The following SQOR variants were observed in gnomAD, a reference collection of about 807,000 sequenced individuals.
SQOR encodes sulfide:quinone oxidoreductase, mitochondrial.
In SQOR, 39 loss-of-function variants were observed where a neutral mutation model predicts 48.6. That is an observed-to-expected ratio of 0.80 (90% CI 0.62 to 1.05). The LOEUF (loss-of-function observed/expected upper bound fraction) is 1.05, where lower values mean the gene tolerates loss of function less well. SQOR is among the 50% of genes least tolerant of loss of function. The pLI is 0.00. For synonymous variants in SQOR, 220 were observed against 206.2 expected, an observed-to-expected ratio of 1.07 and a Z score of -0.57; for missense variants, 561 against 559.9, an observed-to-expected ratio of 1.00 and a Z score of -0.02.
At chr15:45,659,186 G>A (rs1595576355) in intron 2 of SQOR, 29 bp downstream of exon 2, 4 of 1,457,624 alleles carry the variant, frequency 2.7e-6, no homozygotes, top group Non-Finnish European at 3.7e-6. Context: ...GGGCCTGGGT[G>A]TGTGTGTACG....
intron 1 of SQOR, among the ~76,000 whole-genome samples, chr15:45,643,816 A>G (rs1895147530): frequency 6.6e-6 from 1 of 151,942 alleles, no homozygotes; most frequent in Non-Finnish European, 1.5e-5. Context: ...CTCCTTTATC[A>G]AGGTTAAATG....
chr15:45,631,352 G>C (rs1483118457), upstream of SQOR: 1 of 152,396 alleles, frequency 6.6e-6, no homozygotes, highest in African/African-American at 2.4e-5. Context: ...CTGTGGCTTG[G>C]CAGGATGAAA....
chr15:45,651,234 C>T (rs990571452), intron 1 of SQOR, among the ~76,000 whole-genome samples: 11 of 152,324 alleles, frequency 7.2e-5, no homozygotes, highest in Admixed American at 3.3e-4. Flanking sequence ...GTGCACCCTC[C>T]GCAGCTGCTG....
intron 2 of SQOR, 146 bp downstream of exon 2, chr15:45,659,303 G>A: frequency 3.5e-6 from 2 of 571,640 alleles, no homozygotes; most frequent in Non-Finnish European, 5.6e-6. Flanking sequence ...GGCACAGAAA[G>A]CAGCCTATCC....
rs1032637459 is a variant in SQOR at position 45,682,466 on chromosome 15, C to G, written c.865-12C>G. 2 of 1,613,648 alleles carry G rather than the reference C, an allele frequency of 1.2e-6. No homozygotes were observed. The highest frequency in any genetic ancestry group is 2.2e-5 in the South Asian group (2 of 91,044). ...GAATAAATGAAAATGTGGATTCTCT[C>G]TTTGTGTGTAGTATGAAATGCTTCA... On this transcript the variant is annotated splice_polypyrimidine_tract_variant and intron_variant, in intron 6 of 9. Coordinates refer to ENST00000260324, the MANE Select transcript of SQOR (RefSeq NM_021199.4).
intron 1 of SQOR, among the ~76,000 whole-genome samples, chr15:45,639,690 A>G (rs1293221744): frequency 6.6e-6 from 1 of 152,224 alleles, no homozygotes; most frequent in East Asian, 1.9e-4. Context: ...TGTTTTAACA[A>G]CCACCATGTT....
At chr15:45,645,321 C>T (rs1249171487) in intron 1 of SQOR, among the ~76,000 whole-genome samples, 1 of 152,162 alleles carries the variant, frequency 6.6e-6, no homozygotes, top group Admixed American at 6.5e-5. Context: ...GATTTAGACC[C>T]GCCTTCTTAG....
In SQOR at chr15:45,667,249, C is replaced by T. The variant is rs561051581; in HGVS notation, c.406-2679C>T. ...ACTCTTGGGCTCAAGAGTTCTGAGC[C>T]GATCTACCTTAGCCTCCTGAGTAGC... On this transcript the variant is annotated intron_variant, in intron 3 of 9. Transcript: ENST00000260324. 2.0e-5 allele frequency among the ~76,000 whole-genome samples: 3 copies of T among 148,798 alleles called. No homozygotes were observed. In the East Asian group the frequency reaches 6.1e-4, roughly 30 times the overall value.
intron 1 of SQOR, among the ~76,000 whole-genome samples, chr15:45,649,936 G>A (rs901663164): frequency 2.6e-5 from 4 of 151,878 alleles, no homozygotes; most frequent in East Asian, 1.9e-4. Flanking sequence ...TCTGCCTCCC[G>A]GGTTCAAGTG....
At position 45,691,036 on chromosome 15, in the gene SQOR, G is replaced by A. The variant is rs1311452013; in HGVS notation, c.*6G>A. 3 of 1,613,784 alleles carry A rather than the reference G, an allele frequency of 1.9e-6. No individual in the cohort carries two copies. Among genetic ancestry groups the A allele is most frequent in the Non-Finnish European group, 2.5e-6 (3 of 1,179,710 alleles). ...TTCATCTAGGTATGAGTTAAGGATG[G>A]CTCAGCACTTGCTCATCTTGGATGG... On this transcript the variant is annotated 3_prime_UTR_variant, in exon 10 of 10. Transcript: ENST00000260324.
At chr15:45,671,396 G>T (rs1001881734) in intron 4 of SQOR, among the ~76,000 whole-genome samples, 1 of 152,122 alleles carries the variant, frequency 6.6e-6, no homozygotes, top group South Asian at 2.1e-4. Context: ...GGCCTCAAGT[G>T]ATCCACCCGC....
At chr15:45,638,987 T>G (rs1895060267) in intron 1 of SQOR, among the ~76,000 whole-genome samples, 1 of 152,230 alleles carries the variant, frequency 6.6e-6, no homozygotes, top group African/African-American at 2.4e-5. Flanking sequence ...ATTTCTGTTC[T>G]CTAGACTTCA....
intron 4 of SQOR, among the ~76,000 whole-genome samples, chr15:45,673,251 C>T (rs1360910906): frequency 6.6e-6 from 1 of 152,180 alleles, no homozygotes; most frequent in Admixed American, 6.5e-5. Context: ...ATATAAATGG[C>T]TCTTGGTCCT....
Position 45,658,927 on chromosome 15 carries a change from G to C in SQOR, c.4G>C (p.Val2Leu), listed in dbSNP as rs779128697. The C allele has an allele frequency of 6.4e-7, 1 of 1,554,880 alleles. No individual in the cohort carries two copies. The highest frequency in any genetic ancestry group is 8.7e-7 in the Non-Finnish European group (1 of 1,145,338). ...TCCAGCCTGATCCTGCCTGAAGATG[G>C]TGCCACTGGTGGCTGTGGTATCAGG... MVPLVAVVSGPR... is the reference protein window; with the variant it reads MLPLVAVVSGPR... Residue 2 changes from valine (V) to leucine (L), a missense_variant, in exon 2 of 10, where the codon GTG (valine) becomes CTG (leucine). Coordinates refer to ENST00000260324, the MANE Select transcript of SQOR (RefSeq NM_021199.4).
intron 1 of SQOR, among the ~76,000 whole-genome samples, chr15:45,640,497 C>G (rs999574412): frequency 1.3e-5 from 2 of 152,120 alleles, no homozygotes; most frequent in Non-Finnish European, 2.9e-5. Flanking sequence ...ACAGAAGAGA[C>G]GTGAGCTGTC....
chr15:45,637,807 T>C (rs1895030846), intron 1 of SQOR, among the ~76,000 whole-genome samples: 2 of 152,230 alleles, frequency 1.3e-5, no homozygotes, highest in South Asian at 2.1e-4. Context: ...AAATGTCTTA[T>C]AAAGAATGGA....
At position 45,657,415 on chromosome 15, in the gene SQOR, C is replaced by G. The variant is rs576251058; in HGVS notation, c.-17-1492C>G. ...AGAGGTTATTTCCTTAGATTAGATT[C>G]CTAGAAATGGAAATGCAGGGTCAAA... is the stretch of plus-strand genomic sequence containing the variant. On this transcript the variant is annotated intron_variant, in intron 1 of 9. Coordinates refer to ENST00000260324, the MANE Select transcript of SQOR (RefSeq NM_021199.4). 2.6e-5 allele frequency among the ~76,000 whole-genome samples: 4 copies of G among 152,138 alleles called. No homozygotes were observed. In the East Asian group the frequency reaches 5.8e-4, roughly 22 times the overall value.
intron 7 of SQOR, among the ~76,000 whole-genome samples, chr15:45,685,748 CTT>C (rs1425459439): frequency 1.3e-5 from 2 of 152,298 alleles, no homozygotes; most frequent in East Asian, 3.9e-4. Context: ...ATTCCAAACT[CTT>C]TATGGCCCTC....
Position 45,676,271 on chromosome 15 carries a change from T to G in SQOR, c.825T>G (p.Phe275Leu). 2 of 1,614,040 alleles carry G rather than the reference T, an allele frequency of 1.2e-6. No homozygotes were observed. The highest frequency in any genetic ancestry group is 1.7e-6 in the Non-Finnish European group (2 of 1,179,974). ...GAGCCGATAAACAAGAGGCTGTATTTGAGAACCTGGACAAACCAGGAGAGA... is the reference window on the plus strand; with the variant it reads ...GAGCCGATAAACAAGAGGCTGTATTGGAGAACCTGGACAAACCAGGAGAGA... Reference protein sequence around the residue: ...EVRADKQEAVFENLDKPGETQ... With the variant: ...EVRADKQEAVLENLDKPGETQ... The change falls in exon 6 of 10, where the codon TTT becomes TTG. Residue 275 changes from phenylalanine (F) to leucine (L), a missense_variant. Physicochemically the swap from Phe to Leu is conservative, Grantham distance 22 (BLOSUM62 0). Coordinates refer to ENST00000260324, the MANE Select transcript of SQOR (RefSeq NM_021199.4).
Sources: gnomAD v4.1 joint callset for allele counts (sites outside exome capture counted in the v4.1 genomes callset) on GRCh38, gnomAD v4.1.1 for gene constraint, MANE v1.5 for transcripts, NCBI Gene and HGNC (gene_info 2026-07-23, HGNC 2026-07-21) for gene names.